EML1: variants seen among roughly 807,000 people sequenced by gnomAD.
The protein encoded by EML1 is echinoderm microtubule-associated protein-like 1.
A neutral mutation model predicts 110.4 loss-of-function variants in EML1; 27 were observed. The observed-to-expected ratio is 0.24, with a 90% CI of 0.18 to 0.34. The LOEUF is 0.34. Among genes scored for constraint, EML1 ranks in the 10% least tolerant of loss-of-function variants. The pLI, the probability that EML1 is intolerant of heterozygous loss-of-function variation, is 1.00. For synonymous variants in EML1, 344 were observed against 385.8 expected, an observed-to-expected ratio of 0.89 and a Z score of 1.27; for missense variants, 741 against 1,030.9, an observed-to-expected ratio of 0.72 and a Z score of 3.85.
upstream of EML1, among the ~76,000 whole-genome samples, chr14:99,768,892 A>G (rs2057394298): frequency 6.6e-6 from 1 of 151,964 alleles, no homozygotes; most frequent in East Asian, 1.9e-4. Context: ...TAATTTTTGT[A>G]TTTTTAGTAG....
chr14:99,831,524 G>A (rs1300128282), intron 1 of EML1, among the ~76,000 whole-genome samples: 1 of 152,162 alleles, frequency 6.6e-6, no homozygotes, highest in African/African-American at 2.4e-5. Context: ...GATTTTGAAA[G>A]CTATTCTAAG....
Position 99,940,991 on chromosome 14 carries a change from A to G in EML1, c.*879A>G, listed in dbSNP as rs1266551032. ...ACTGTCTTATGCTTATGGACATTGT[A>G]TATTTGTATTTTATGACCAAGTAGA... On this transcript the variant is annotated 3_prime_UTR_variant, in exon 22 of 22. Transcript: ENST00000262233. The G allele has an allele frequency of 6.6e-6, 1 of 152,198 alleles. No homozygotes were observed. The highest frequency in any genetic ancestry group is 1.5e-5 in the Non-Finnish European group (1 of 68,028). 9.4% of individuals were successfully genotyped at this position (152,198 alleles called of 1,614,324 possible).
chr14:99,883,592 C>T (rs1003203499), intron 4 of EML1: 1 of 151,922 alleles, frequency 6.6e-6, no homozygotes, highest in Admixed American at 6.6e-5. Context: ...CACCTGCAGT[C>T]TCACCACTCA....
In EML1 at chr14:99,830,797, C is replaced by T. The variant is rs560702085; in HGVS notation, c.68-20056C>T. Among the ~76,000 whole-genome samples, 139 of 152,202 alleles carry T rather than the reference C, an allele frequency of 9.1e-4. 2 individuals are homozygous for T. Among genetic ancestry groups the T allele is most frequent in the Non-Finnish European group, 6.2e-4 (42 of 67,996 alleles). On this transcript the variant is annotated intron_variant, in intron 1 of 21. Transcript: ENST00000262233. ...AACTCCTGACCTCAGGTGATCCGCC[C>T]GCCTCAGCCTCCTAAAGTGCTGGGA...
chr14:99,912,744 G>A (rs1259172578), intron 13 of EML1, among the ~76,000 whole-genome samples: 1 of 152,210 alleles, frequency 6.6e-6, no homozygotes, highest in Non-Finnish European at 1.5e-5. Flanking sequence ...ATTGTGAATT[G>A]CTAGAGTCAT....
At chr14:99,857,016 A>T (rs969558521) in intron 2 of EML1, among the ~76,000 whole-genome samples, 1 of 152,234 alleles carries the variant, frequency 6.6e-6, no homozygotes, top group African/African-American at 2.4e-5. Flanking sequence ...TCATGCCTGT[A>T]ATCCCAGCAC....
chr14:99,768,523 G>A (rs187281862), upstream of EML1, among the ~76,000 whole-genome samples: 31 of 152,272 alleles, frequency 2.0e-4, no homozygotes, highest in East Asian at 5.8e-3. Context: ...CCACATGGCT[G>A]GAATATAGCA....
upstream of EML1, chr14:99,772,858 T>C (rs1490486612): frequency 6.6e-6 from 1 of 152,232 alleles, no homozygotes; most frequent in Admixed American, 6.5e-5. Flanking sequence ...GTTTGACCCA[T>C]GGTGCTCTGA....
intron 1 of EML1, among the ~76,000 whole-genome samples, chr14:99,748,982 T>C (rs2057144664): frequency 6.6e-6 from 1 of 152,254 alleles, no homozygotes; most frequent in Non-Finnish European, 1.5e-5. Flanking sequence ...TTGGAGCCTG[T>C]ATCCATCTTC....
rs2058379734 is a variant in EML1 at position 99,827,457 on chromosome 14, G to GTACTATAAATACCCTCTGTTATGGGCT, written c.68-23391_68-23365dup. Among the ~76,000 whole-genome samples the GTACTATAAATACCCTCTGTTATGGGCT allele has an allele frequency of 6.6e-6, 1 of 152,162 alleles. No individual in the cohort carries two copies. The highest frequency in any genetic ancestry group is 1.5e-5 in the Non-Finnish European group (1 of 68,026). On this transcript the variant is annotated intron_variant, in intron 1 of 21. Transcript: ENST00000262233. The surrounding 1 kb of genome is among the most constrained non-coding windows in gnomAD (Gnocchi z 4.4). ...GCGTATCCAGGCCCAGTAGGCACGA[G>GTACTATAAATACCCTCTGTTATGGGCT]TACTATAAATACCCTCTGTTATGGG...
intron 1 of EML1, among the ~76,000 whole-genome samples, chr14:99,816,859 G>C (rs746327611): frequency 2.6e-5 from 4 of 152,136 alleles, no homozygotes; most frequent in Non-Finnish European, 5.9e-5. Context: ...CAAGCTTTTT[G>C]GTCTGTCTTG....
intron 1 of EML1, among the ~76,000 whole-genome samples, chr14:99,785,434 C>T (rs2057588389): frequency 6.6e-6 from 1 of 152,112 alleles, no homozygotes; most frequent in African/African-American, 2.4e-5. Context: ...TTGCCAAGAG[C>T]CTAAGAAAGG....
At chr14:99,841,532 C>G (rs1595367204) in intron 1 of EML1, among the ~76,000 whole-genome samples, 1 of 152,172 alleles carries the variant, frequency 6.6e-6, no homozygotes, top group East Asian at 1.9e-4. Context: ...TGCTCTCTCT[C>G]TTGTGCCTCT....
At chr14:99,903,447 A>G (rs1433100739) in intron 9 of EML1, among the ~76,000 whole-genome samples, 1 of 152,214 alleles carries the variant, frequency 6.6e-6, no homozygotes, top group East Asian at 1.9e-4. Context: ...AAACAAGACA[A>G]GAATTGTCTG....
At position 99,827,856 on chromosome 14, in the gene EML1, A is replaced by G. The variant is rs7156037; in HGVS notation, c.68-22997A>G. On this transcript the variant is annotated intron_variant, in intron 1 of 21. Transcript: ENST00000262233. This position sits in a 1 kb window ranked among gnomAD's most constrained non-coding sequence, Gnocchi z 4.4. ...GCTAACATGCCGCTGTAGAGTGTGC[A>G]GACCCGCAGGCATGGGTCCCGTGAG... 0.094 allele frequency among the ~76,000 whole-genome samples: 14,312 copies of G among 152,170 alleles called. 1,327 individuals carry two copies. Among genetic ancestry groups the G allele is most frequent in the African/African-American group, 0.24 (10,046 of 41,462 alleles).
intron 9 of EML1, among the ~76,000 whole-genome samples, chr14:99,906,252 G>T (rs763261642): frequency 2.0e-5 from 3 of 152,152 alleles, no homozygotes; most frequent in Non-Finnish European, 4.4e-5. Context: ...TGGATCTCAC[G>T]CAAGAAAGAA....
intron 1 of EML1, among the ~76,000 whole-genome samples, chr14:99,742,729 C>A (rs1289499396): frequency 6.6e-6 from 1 of 152,094 alleles, no homozygotes; most frequent in Non-Finnish European, 1.5e-5. Context: ...AAGATCCGAG[C>A]CCCATGTGCC....
intron 16 of EML1, 126 bp downstream of exon 16, chr14:99,917,975 C>CCAAA (rs1331277809): frequency 1.1e-6 from 1 of 915,164 alleles, no homozygotes; most frequent in Admixed American, 2.6e-5. Flanking sequence ...TAATGACTTA[C>CCAAA]CAAGAATTAA....
chr14:99,804,090 C>T (rs1421628769), intron 1 of EML1, among the ~76,000 whole-genome samples: 1 of 152,254 alleles, frequency 6.6e-6, no homozygotes, highest in South Asian at 2.1e-4. Context: ...ATTGCCCACA[C>T]TCCACTGCTC....
Sources: allele counts gnomAD v4.1 joint callset (sites outside exome capture counted in the v4.1 genomes callset), GRCh38; gene constraint gnomAD v4.1.1; non-coding constraint Gnocchi (gnomAD v3.1); transcripts MANE v1.5; gene names NCBI Gene and HGNC (gene_info 2026-07-23, HGNC 2026-07-21).